KCNMB2: variants seen among roughly 807,000 people sequenced by gnomAD.
The protein encoded by KCNMB2 is calcium-activated potassium channel subunit beta-2.
Under a neutral mutation model 24.5 loss-of-function variants are expected in KCNMB2, and 9 were observed. The observed-to-expected ratio is 0.37, with a 90% CI of 0.22 to 0.64. The LOEUF (loss-of-function observed/expected upper bound fraction) is 0.64. KCNMB2 is among the 30% of genes least tolerant of loss of function. KCNMB2 has a pLI of 0.63. For synonymous variants in KCNMB2, 109 were observed against 104.4 expected (o/e 1.04, Z -0.27); for missense variants, 226 against 284.3 (o/e 0.79, Z 1.47).
intron 1 of KCNMB2, among the ~76,000 whole-genome samples, chr3:178,574,801 C>T (rs949207037): frequency 1.3e-5 from 2 of 152,206 alleles, no homozygotes; most frequent in African/African-American, 4.8e-5. Flanking sequence ...GGCGTGGTGG[C>T]TTATGCCTGT....
At chr3:178,771,473 CTTTTTT>C (rs66694279) in intron 1 of KCNMB2, among the ~76,000 whole-genome samples, 4 of 87,516 alleles carry the variant, frequency 4.6e-5, no homozygotes, top group South Asian at 9.4e-4. Context: ...TTCTTTCTTT[CTTTTTT>C]TTTTTTTTTT....
At position 178,842,768 on chromosome 3, in the gene KCNMB2, G is replaced by A. The variant is rs781033629; in HGVS notation, c.539G>A (p.Gly180Glu). 8.4e-5 allele frequency: 135 copies of A among 1,613,876 alleles called. 3 individuals carry two copies. In the South Asian group the frequency reaches 1.4e-3, roughly 17 times the overall value. The change falls in exon 5 of 5, where the codon GGA (glycine) becomes GAA (glutamate). Residue 180 changes from glycine (G) to glutamate (E), a missense_variant. Transcript: ENST00000452583. ...QHFSCYSDPE[G>E]NQKSVILTKL... ...TTCTCCTGCTATTCTGACCCAGAAG[G>A]AAACCAGAAGAGTGTTATCCTAACA...
intron 1 of KCNMB2, among the ~76,000 whole-genome samples, chr3:178,626,722 C>G (rs2108533053): frequency 6.6e-6 from 1 of 152,028 alleles, no homozygotes; most frequent in African/African-American, 2.4e-5. Flanking sequence ...ACGTCTCTCC[C>G]TAGACACATG....
At chr3:178,699,218 G>C (rs1052197015) in intron 1 of KCNMB2, among the ~76,000 whole-genome samples, 1 of 152,224 alleles carries the variant, frequency 6.6e-6, no homozygotes, top group Non-Finnish European at 1.5e-5. Context: ...ATCACTCAGG[G>C]CATAGAAGGA....
rs771632814 is a variant in KCNMB2, at chr3:178,603,918, T to C, written c.-68+67207T>C. On this transcript the variant is annotated intron_variant, in intron 1 of 4. Transcript: ENST00000452583. ...ATATACTGGTCTAAAAGGAAGAGTA[T>C]CAGTGACACAGTTCAAAGCCCTGGA... Among the ~76,000 whole-genome samples the C allele has an allele frequency of 3.3e-5, 5 of 152,090 alleles. No homozygotes were observed. The East Asian group carries it at 9.6e-4, about 29-fold the overall frequency.
At chr3:178,692,971 A>AT (rs1171829990) in intron 1 of KCNMB2, among the ~76,000 whole-genome samples, 6 of 152,056 alleles carry the variant, frequency 3.9e-5, no homozygotes, top group African/African-American at 7.2e-5. Flanking sequence ...TCACCTCCCT[A>AT]GTTAGGTGTA....
At chr3:178,633,487 C>T (rs1464764266) in intron 1 of KCNMB2, among the ~76,000 whole-genome samples, 1 of 152,220 alleles carries the variant, frequency 6.6e-6, no homozygotes, top group Non-Finnish European at 1.5e-5. Context: ...GGGCTCACAC[C>T]CTCTGAAGCC....
At chr3:178,756,312 C>T (rs1375075580) in intron 1 of KCNMB2, among the ~76,000 whole-genome samples, 2 of 151,424 alleles carry the variant, frequency 1.3e-5, no homozygotes, top group African/African-American at 2.4e-5. Context: ...AGTCAATTCT[C>T]ATTATTTGCA....
intron 1 of KCNMB2, among the ~76,000 whole-genome samples, chr3:178,680,396 G>A (rs1721228730): frequency 6.6e-6 from 1 of 152,144 alleles, no homozygotes; most frequent in South Asian, 2.1e-4. Context: ...GTGCTATCTG[G>A]AGGCTGGTTG....
intron 3 of KCNMB2, among the ~76,000 whole-genome samples, chr3:178,826,867 T>C (rs1714854426): frequency 6.6e-6 from 1 of 152,238 alleles, no homozygotes; most frequent in African/African-American, 2.4e-5. Flanking sequence ...TCTATGAAAG[T>C]GCTGATGCCT....
rs1715531842 is a variant in KCNMB2 at position 178,844,400 on chromosome 3, G to A, written c.*1463G>A. ...CTAGGATGTAATCAGGACTTCAAAT[G>A]TGTAATTAAATTTTTTTAAAAAAAA... On this transcript the variant is annotated 3_prime_UTR_variant, in exon 5 of 5. Transcript: ENST00000452583. 1 of 152,312 alleles carries A rather than the reference G, an allele frequency of 6.6e-6. No individual in the cohort carries two copies. Among genetic ancestry groups the A allele is most frequent in the South Asian group, 2.1e-4 (1 of 4,828 alleles). 9.4% of individuals were successfully genotyped at this position (152,312 alleles called of 1,614,324 possible). A position where few individuals can be genotyped will look rare whatever the true frequency, so the allele number is the denominator to read the frequency against.
At chr3:178,661,349 G>A (rs957277077) in intron 1 of KCNMB2, among the ~76,000 whole-genome samples, 8 of 152,184 alleles carry the variant, frequency 5.3e-5, no homozygotes, top group African/African-American at 1.9e-4. Flanking sequence ...AGTATTTCAT[G>A]GTGTACATGT....
At chr3:178,724,722 G>T (rs1722911446) in intron 1 of KCNMB2, among the ~76,000 whole-genome samples, 1 of 152,098 alleles carries the variant, frequency 6.6e-6, no homozygotes, top group South Asian at 2.1e-4. Flanking sequence ...TTCTGCATAT[G>T]GTTAGCCAGT....
chr3:178,770,786 C>T (rs1276853075), intron 1 of KCNMB2, among the ~76,000 whole-genome samples: 1 of 152,172 alleles, frequency 6.6e-6, no homozygotes, highest in African/African-American at 2.4e-5. Flanking sequence ...TTTAACCACA[C>T]CCACCACTCC....
At chr3:178,827,684 A>G (rs143956339) in intron 3 of KCNMB2, among the ~76,000 whole-genome samples, 1 of 152,294 alleles carries the variant, frequency 6.6e-6, no homozygotes, top group Non-Finnish European at 1.5e-5. Flanking sequence ...GTCAAGCTGG[A>G]CCACATGACC....
intron 1 of KCNMB2, among the ~76,000 whole-genome samples, chr3:178,563,290 T>C (rs184545180): frequency 1.3e-5 from 2 of 152,370 alleles, no homozygotes. Context: ...CCTAAAGTAG[T>C]ATCTGCACAG....
chr3:178,818,278 G>T (rs570720183), intron 2 of KCNMB2, among the ~76,000 whole-genome samples: 1 of 152,102 alleles, frequency 6.6e-6, no homozygotes, highest in Admixed American at 6.6e-5. Context: ...TTGTTTGTTT[G>T]TTCTTAAGTT....
intron 1 of KCNMB2, among the ~76,000 whole-genome samples, chr3:178,748,694 TGTTCACAAA>T (rs1415412006): frequency 6.6e-6 from 1 of 152,222 alleles, no homozygotes; most frequent in Non-Finnish European, 1.5e-5. Flanking sequence ...TTTGGATTAA[TGTTCACAAA>T]TAGAAGCTAG....
intron 1 of KCNMB2, among the ~76,000 whole-genome samples, chr3:178,645,553 C>G (rs1167446932): frequency 6.6e-6 from 1 of 152,202 alleles, no homozygotes; most frequent in African/African-American, 2.4e-5. Context: ...CTATGGGCCA[C>G]TGATGTGCAA....
Sources: allele counts gnomAD v4.1 joint callset (sites outside exome capture counted in the v4.1 genomes callset), GRCh38; gene constraint gnomAD v4.1.1; transcripts MANE v1.5; gene names NCBI Gene and HGNC (gene_info 2026-07-23, HGNC 2026-07-21).